Variants in CMSS1 observed in about 807,000 individuals in gnomAD.
CMSS1 encodes protein CMSS1.
CMSS1 carries 33 observed loss-of-function variants against 43.5 expected under a neutral mutation model. The ratio of observed to expected loss-of-function variants is 0.76; its 90% confidence interval spans 0.57 to 1.01. CMSS1 has a LOEUF of 1.01. Ranked by LOEUF, CMSS1 falls within the 50% of genes least tolerant of loss-of-function variation. CMSS1 has a pLI of 0.00. For synonymous variants in CMSS1, 115 were observed against 117.2 expected (o/e 0.98, Z 0.12); for missense variants, 313 against 326.4 (o/e 0.96, Z 0.32).
chr3:100,137,903 A>C lies in CMSS1; in HGVS notation c.65-9070A>C, dbSNP rs149109481. Among the ~76,000 whole-genome samples the C allele has an allele frequency of 2.8e-3, 421 of 152,266 alleles. 1 individual carries two copies. Among genetic ancestry groups the C allele is most frequent in the African/African-American group, 9.7e-3 (403 of 41,556 alleles). ...TTTTAAAACACAAGTTTATGACCAT[A>C]CGTAGACATCTGTACCTAACAATTA... On this transcript the variant is annotated intron_variant, in intron 1 of 9. Coordinates refer to ENST00000421999, the MANE Select transcript of CMSS1 (RefSeq NM_032359.4).
intron 1 of CMSS1, among the ~76,000 whole-genome samples, chr3:99,903,258 GT>G (rs11425482): frequency 2.1e-4 from 31 of 148,368 alleles, no homozygotes; most frequent in Non-Finnish European, 3.6e-4. Context: ...ACATATGCAT[GT>G]TTTTTTTTTT....
At chr3:99,830,415 T>G (rs979157520) in intron 1 of CMSS1, 2 of 441,728 alleles carry the variant, frequency 4.5e-6, no homozygotes, top group African/African-American at 4.0e-5. Flanking sequence ...TGGTATGAGT[T>G]ACCTTCTCCC....
At chr3:99,931,685 A>C (rs921491319) in intron 1 of CMSS1, among the ~76,000 whole-genome samples, 1 of 152,218 alleles carries the variant, frequency 6.6e-6, no homozygotes, top group African/African-American at 2.4e-5. Flanking sequence ...GGGTAAGTCA[A>C]GGGCTTATAT....
intron 1 of CMSS1, among the ~76,000 whole-genome samples, chr3:99,825,201 T>C (rs1013672759): frequency 2.6e-5 from 4 of 152,232 alleles, no homozygotes; most frequent in Non-Finnish European, 5.9e-5. Flanking sequence ...TCTGGGCATG[T>C]TGTTTTCATA....
intron 1 of CMSS1, among the ~76,000 whole-genome samples, chr3:100,057,083 A>G (rs1167816417): frequency 6.6e-6 from 1 of 152,198 alleles, no homozygotes; most frequent in Non-Finnish European, 1.5e-5. Context: ...TGGCAGGCTC[A>G]GGGCAGGAGA....
chr3:99,954,360 T>C (rs193045181), intron 1 of CMSS1, among the ~76,000 whole-genome samples: 49 of 152,304 alleles, frequency 3.2e-4, no homozygotes, highest in African/African-American at 1.2e-3. Context: ...TCTCACATAA[T>C]AATCCAGCCA....
intron 9 of CMSS1, among the ~76,000 whole-genome samples, chr3:100,177,144 C>T (rs964977144): frequency 6.6e-6 from 1 of 152,188 alleles, no homozygotes; most frequent in East Asian, 1.9e-4. Flanking sequence ...CTTGGAAATA[C>T]TCTTCCAAAC....
chr3:99,928,553 G>A (rs921837277), intron 1 of CMSS1, among the ~76,000 whole-genome samples: 1 of 152,140 alleles, frequency 6.6e-6, no homozygotes, highest in African/African-American at 2.4e-5. Flanking sequence ...TTGTAGAAGG[G>A]GGGTATTTCC....
intron 1 of CMSS1, among the ~76,000 whole-genome samples, chr3:99,983,519 T>C (rs1322055225): frequency 4.1e-4 from 50 of 123,316 alleles, no homozygotes; most frequent in African/African-American, 1.5e-3. Flanking sequence ...TGTATATATA[T>C]ACACACACAA....
intron 1 of CMSS1, chr3:99,924,118 G>T: frequency 2.3e-6 from 2 of 887,154 alleles, no homozygotes; most frequent in South Asian, 1.6e-5. Flanking sequence ...TGGACTATGA[G>T]ATCTTTGAGA....
chr3:99,910,144 C>T lies in CMSS1; in HGVS notation c.64+92101C>T, dbSNP rs1432292990. Among the ~76,000 whole-genome samples the T allele has an allele frequency of 1.5e-5, 2 of 136,188 alleles. 1 individual carries two copies. Among genetic ancestry groups the T allele is most frequent in the Admixed American group, 1.6e-4 (2 of 12,760 alleles). 89.3% of individuals were successfully genotyped at this position (136,188 alleles called of 152,430 possible). A position where few individuals can be genotyped will look rare whatever the true frequency, so the allele number is the denominator to read the frequency against. On this transcript the variant is annotated intron_variant, in intron 1 of 9. Transcript: ENST00000421999. ...AAATTCTTAATAGAGTTGGTTTATA[C>T]GTAATTTCTATTCTTTGACTTACAA...
chr3:99,889,013 G>T (rs1706000890), intron 1 of CMSS1, among the ~76,000 whole-genome samples: 1 of 152,066 alleles, frequency 6.6e-6, no homozygotes, highest in Non-Finnish European at 1.5e-5. Context: ...TTGACATTAA[G>T]GTTTGTTTCA....
At chr3:100,130,082 A>G (rs922472972) in intron 1 of CMSS1, among the ~76,000 whole-genome samples, 6 of 152,144 alleles carry the variant, frequency 3.9e-5, no homozygotes, top group Non-Finnish European at 8.8e-5. Context: ...AAGCAAATAA[A>G]TTTTCTCCAT....
chr3:99,832,619 GA>G (rs2107487014), intron 1 of CMSS1, among the ~76,000 whole-genome samples: 1 of 145,406 alleles, frequency 6.9e-6, no homozygotes, highest in African/African-American at 2.5e-5. Context: ...GAGGCGGGCG[GA>G]TCACTTGAGG....
intron 1 of CMSS1, among the ~76,000 whole-genome samples, chr3:99,836,136 T>A (rs1174828293): frequency 6.6e-6 from 1 of 152,164 alleles, no homozygotes; most frequent in Non-Finnish European, 1.5e-5. Flanking sequence ...TATTTAAGGC[T>A]GGATTATAGA....
At chr3:100,068,214 A>G (rs1253064148) in intron 1 of CMSS1, among the ~76,000 whole-genome samples, 2 of 152,242 alleles carry the variant, frequency 1.3e-5, no homozygotes, top group East Asian at 3.8e-4. Context: ...CCTGGTATTG[A>G]CAAAGATACA....
intron 1 of CMSS1, among the ~76,000 whole-genome samples, chr3:100,121,246 C>A (rs907198100): frequency 6.7e-6 from 1 of 150,294 alleles, no homozygotes; most frequent in Non-Finnish European, 1.5e-5. Context: ...TCCCCTAGCC[C>A]CCCACCCCCC....
intron 5 of CMSS1, 150 bp from the exon 6 acceptor site, chr3:100,167,588 C>A (rs940752103): frequency 4.6e-6 from 2 of 438,186 alleles, no homozygotes; most frequent in Non-Finnish European, 8.1e-6. Context: ...TTACAATAAC[C>A]AGAAAATTGA....
intron 1 of CMSS1, among the ~76,000 whole-genome samples, chr3:99,847,527 CAT>C (rs1321671993): frequency 1.3e-5 from 2 of 152,100 alleles, no homozygotes; most frequent in Non-Finnish European, 2.9e-5. Context: ...CTTCCTATCA[CAT>C]GTCAGAGCTT....
Sources: allele counts gnomAD v4.1 joint callset (sites outside exome capture counted in the v4.1 genomes callset), GRCh38; gene constraint gnomAD v4.1.1; transcripts MANE v1.5; gene names NCBI Gene and HGNC (gene_info 2026-07-23, HGNC 2026-07-21).